USH2A: variants seen among roughly 807,000 people sequenced by gnomAD.
The protein encoded by USH2A is Usher syndrome 2A (autosomal recessive, mild).
USH2A carries 443 observed loss-of-function variants against 538.9 expected under a neutral mutation model. The observed-to-expected ratio is 0.82, with a 90% confidence interval of 0.76 to 0.89. The LOEUF (loss-of-function observed/expected upper bound fraction) is 0.89. Among genes scored for constraint, USH2A ranks in the 40% least tolerant of loss-of-function variants. The pLI, the probability that USH2A is intolerant of heterozygous loss-of-function variation, is 0.00. For missense variants in USH2A, 6,633 were observed against 6,324.8 expected, an observed-to-expected ratio of 1.05 and a Z score of -1.65; for synonymous variants, 2,413 against 2,273.5, an observed-to-expected ratio of 1.06 and a Z score of -1.75.
chr1:216,421,113 T>C (rs2039669044), intron 2 of USH2A, among the ~76,000 whole-genome samples: 1 of 152,052 alleles, frequency 6.6e-6, no homozygotes, highest in Non-Finnish European at 1.5e-5. Flanking sequence ...AGATATCAGC[T>C]TGAGAAAAGA....
chr1:216,152,989 A>T (rs1480623577), intron 21 of USH2A, among the ~76,000 whole-genome samples: 2 of 152,130 alleles, frequency 1.3e-5, no homozygotes, highest in Admixed American at 1.3e-4. Flanking sequence ...GCATCTGAAC[A>T]TTGAGAGGAT....
chr1:216,249,325 T>G (rs745859100), intron 12 of USH2A, among the ~76,000 whole-genome samples: 10 of 152,216 alleles, frequency 6.6e-5, no homozygotes, highest in Non-Finnish European at 1.5e-4. Flanking sequence ...GCATTATACA[T>G]TCTAAATTAA....
intron 11 of USH2A, among the ~76,000 whole-genome samples, chr1:216,268,766 C>A (rs897877992): frequency 7.2e-5 from 11 of 152,052 alleles, no homozygotes; most frequent in Admixed American, 6.6e-4. Context: ...TAGGTCTCTT[C>A]TTCCAGATTT....
chr1:216,119,253 T>C (rs376442183), intron 21 of USH2A, among the ~76,000 whole-genome samples: 105 of 152,288 alleles, frequency 6.9e-4, no homozygotes, highest in African/African-American at 2.4e-3. Context: ...AGCTCTCTAG[T>C]ACACTAAAAA....
intron 3 of USH2A, among the ~76,000 whole-genome samples, chr1:216,403,761 A>G (rs1234421320): frequency 6.6e-6 from 1 of 152,184 alleles, no homozygotes; most frequent in African/African-American, 2.4e-5. Context: ...CTCCACCCAA[A>G]TATCATCTTG....
intron 13 of USH2A, among the ~76,000 whole-genome samples, 173 bp from the exon 14 acceptor site, chr1:216,232,309 G>A (rs1054891919): frequency 2.0e-5 from 3 of 152,128 alleles, no homozygotes; most frequent in Admixed American, 1.3e-4. Flanking sequence ...GAAAAACTGA[G>A]TAAATTATCT....
intron 4 of USH2A, among the ~76,000 whole-genome samples, chr1:216,354,851 G>T (rs866310166): frequency 1.3e-5 from 2 of 152,122 alleles, no homozygotes; most frequent in Middle Eastern, 3.4e-3. Context: ...AAAGTTTGAA[G>T]ATACAACTAT....
intron 21 of USH2A, among the ~76,000 whole-genome samples, chr1:216,149,359 T>A (rs535279873): frequency 1.5e-4 from 23 of 152,296 alleles, no homozygotes; most frequent in Admixed American, 1.3e-3. Context: ...CAGCCTTTAC[T>A]AGCCAAATCA....
intron 32 of USH2A, among the ~76,000 whole-genome samples, chr1:216,030,053 G>A (rs1378275121): frequency 3.7e-5 from 2 of 54,144 alleles, no homozygotes; most frequent in Non-Finnish European, 4.8e-5. Context: ...TGGTATATAT[G>A]ATATATCACA....
intron 35 of USH2A, among the ~76,000 whole-genome samples, chr1:215,979,661 G>C (rs1396081516): frequency 6.6e-6 from 1 of 152,056 alleles, no homozygotes; most frequent in African/African-American, 2.4e-5. Context: ...GCAGTAGTCT[G>C]TGGCAGAAGA....
chr1:216,121,221 AATAAT>A (rs1199581932), intron 21 of USH2A, among the ~76,000 whole-genome samples: 1 of 129,856 alleles, frequency 7.7e-6, no homozygotes, highest in Non-Finnish European at 1.7e-5. Flanking sequence ...ATGTAAGACT[AATAAT>A]ATTATGTTAA....
intron 4 of USH2A, among the ~76,000 whole-genome samples, chr1:216,356,344 C>CAATAAA (rs2038391637): frequency 6.6e-6 from 1 of 151,860 alleles, no homozygotes; most frequent in Admixed American, 6.6e-5. Context: ...TCTGAAAATG[C>CAATAAA]TTCCATTTAT....
At position 215,992,807 on chromosome 1, in the gene USH2A, A is replaced by C. The variant is rs78547342; in HGVS notation, c.6805+213T>G. On this transcript the variant is annotated intron_variant, in intron 35 of 71. Coordinates refer to ENST00000307340, the MANE Select transcript of USH2A (RefSeq NM_206933.4). The stretch of plus-strand genomic sequence containing the variant: ...TTAAACAATGAGATGCAGTACACAA[A>C]AACTATCAAAAGGGAGCACTTTTGA... Among the ~76,000 whole-genome samples, 2,225 of 152,256 alleles carry C rather than the reference A, an allele frequency of 0.015. 57 individuals carry two copies. Among genetic ancestry groups the C allele is most frequent in the African/African-American group, 0.051 (2,118 of 41,532 alleles).
In USH2A at chr1:215,771,579, C is replaced by CAAAAAAAAAAAAAAAAAAAAA. The variant is rs759067576; in HGVS notation, c.10940-4812_10940-4792dup. Among the ~76,000 whole-genome samples the CAAAAAAAAAAAAAAAAAAAAA allele has an allele frequency of 1.8e-4, 8 of 43,988 alleles. 1 individual carries two copies. The highest frequency in any genetic ancestry group is 5.3e-4 in the African/African-American group (5 of 9,444). 28.9% of individuals were successfully genotyped at this position (43,988 alleles called of 152,430 possible). A position where few individuals can be genotyped will look rare whatever the true frequency, so the allele number is the denominator to read the frequency against. On this transcript the variant is annotated intron_variant, in intron 55 of 71. Coordinates refer to ENST00000307340, the MANE Select transcript of USH2A (RefSeq NM_206933.4). ...TGGGCGACAGAGCGAGACTCCGTCT[C>CAAAAAAAAAAAAAAAAAAAAA]AAAAAAAAAAAAAAAAAAAAAAAAA... is the stretch of plus-strand genomic sequence containing the variant.
At chr1:216,107,177 G>A (rs530109462) in intron 21 of USH2A, among the ~76,000 whole-genome samples, 34 of 151,840 alleles carry the variant, frequency 2.2e-4, no homozygotes, top group African/African-American at 7.7e-4. Context: ...TGATTTTTCT[G>A]TATTTTTATA....
chr1:215,999,257 C>T (rs556486945), intron 33 of USH2A, among the ~76,000 whole-genome samples, 199 bp from the exon 34 acceptor site: 1 of 152,302 alleles, frequency 6.6e-6, no homozygotes, highest in African/African-American at 2.4e-5. Context: ...TGTGATATGG[C>T]TCCTGCCATC....
intron 67 of USH2A, among the ~76,000 whole-genome samples, chr1:215,641,928 C>A (rs1294303984): frequency 1.3e-5 from 2 of 152,262 alleles, no homozygotes; most frequent in East Asian, 3.9e-4. Context: ...AATCTCAATG[C>A]TTTTCCAACA....
Position 216,332,525 on chromosome 1 carries a change from G to A in USH2A, c.785-4871C>T, listed in dbSNP as rs748797103. On this transcript the variant is annotated intron_variant, in intron 4 of 71. Transcript: ENST00000307340. ...ATATGCGCATGCTAAAGAAAGACCTGAGAAAGTCCTAAGGTCTCACCTCAG... is the reference window on the plus strand; with the variant it reads ...ATATGCGCATGCTAAAGAAAGACCTAAGAAAGTCCTAAGGTCTCACCTCAG... Among the ~76,000 whole-genome samples the A allele has an allele frequency of 4.6e-5, 7 of 152,122 alleles. No homozygotes were observed. The South Asian group carries it at 1.0e-3, about 22-fold the overall frequency.
intron 70 of USH2A, among the ~76,000 whole-genome samples, chr1:215,631,245 T>TGTGG (rs1656275264): frequency 6.6e-6 from 1 of 152,032 alleles, no homozygotes; most frequent in East Asian, 1.9e-4. Flanking sequence ...TGTGTGTGTG[T>TGTGG]GTGGGTGGGT....
Sources: gnomAD v4.1 joint callset for allele counts (sites outside exome capture counted in the v4.1 genomes callset) on GRCh38, gnomAD v4.1.1 for gene constraint, MANE v1.5 for transcripts, NCBI Gene and HGNC (gene_info 2026-07-23, HGNC 2026-07-21) for gene names.